Variants in MERTK observed in about 807,000 individuals in gnomAD.
MERTK encodes MER proto-oncogene, tyrosine kinase, also known as tyrosine-protein kinase Mer.
In MERTK, 69 loss-of-function variants were observed where a neutral mutation model predicts 99.3. The ratio of observed to expected loss-of-function variants is 0.70; its 90% CI spans 0.57 to 0.85. The LOEUF is 0.85. MERTK is among the 40% of genes least tolerant of loss of function. The probability of loss-of-function intolerance (pLI) is 0.00; values close to 1 mark genes in which losing one functional copy is unlikely to be tolerated. For synonymous variants in MERTK, 426 were observed against 467.6 expected (o/e 0.91, Z 1.15); for missense variants, 1,125 against 1,249.4 (o/e 0.90, Z 1.50).
chr2:111,956,666 G>T (rs1331950003), intron 4 of MERTK, among the ~76,000 whole-genome samples: 1 of 152,100 alleles, frequency 6.6e-6, no homozygotes, highest in African/African-American at 2.4e-5. Context: ...CAGTTTTGTT[G>T]TTGTTGTGTT....
intron 1 of MERTK, among the ~76,000 whole-genome samples, chr2:111,920,421 T>G (rs1211132110): frequency 1.3e-5 from 2 of 152,132 alleles, no homozygotes; most frequent in African/African-American, 2.4e-5. Context: ...TTGCTACACT[T>G]AGGGCAAATG....
In MERTK at chr2:111,929,375, C is replaced by T; in HGVS notation, c.317C>T (p.Ser106Phe). ...FKHTVGHIIL[S>F]EHKGVKFNCS... ...CACACAGTTGGACACATAATACTTT[C>T]TGAACATAAAGGTGTCAAATTTAAT... is the stretch of plus-strand genomic sequence containing the variant. The change falls in exon 2 of 19, where the codon TCT (serine) becomes TTT (phenylalanine). Residue 106 changes from serine (S) to phenylalanine (F), a missense_variant. By Grantham distance (155) the Ser-to-Phe change is radical. Transcript: ENST00000295408. 1 of 1,614,166 alleles carries T rather than the reference C, an allele frequency of 6.2e-7. No homozygotes were observed. The highest frequency in any genetic ancestry group is 1.1e-5 in the South Asian group (1 of 91,076).
intron 15 of MERTK, among the ~76,000 whole-genome samples, chr2:112,015,031 T>C (rs1385927833): frequency 6.6e-6 from 1 of 152,220 alleles, no homozygotes; most frequent in Non-Finnish European, 1.5e-5. Flanking sequence ...ATTCCTTCTT[T>C]ATTGCTGTGT....
At chr2:112,019,846 G>A (rs748873210) in intron 16 of MERTK, among the ~76,000 whole-genome samples, 5 of 152,136 alleles carry the variant, frequency 3.3e-5, no homozygotes, top group South Asian at 2.1e-4. Flanking sequence ...TTATGTGTAC[G>A]TCAGCTCCTC....
rs201320082 is a variant in MERTK, at chr2:111,925,275, G to GATATAT, written c.62-3832_62-3827dup. ...CTGGTAAATCAAATTGTACAGATCAGATATATATATATATATATTTTTTTT... is the reference window on the plus strand; with the variant it reads ...CTGGTAAATCAAATTGTACAGATCAGATATATATATATATATATATATATTTTTTTT... On this transcript the variant is annotated intron_variant, in intron 1 of 18. Transcript: ENST00000295408. Among the ~76,000 whole-genome samples, 132 of 52,164 alleles carry GATATAT rather than the reference G, an allele frequency of 2.5e-3. 10 individuals are homozygous for GATATAT. The highest frequency in any genetic ancestry group is 0.01 in the African/African-American group (109 of 10,484). 34.2% of individuals were successfully genotyped at this position (52,164 alleles called of 152,430 possible).
intron 7 of MERTK, among the ~76,000 whole-genome samples, chr2:111,977,944 T>TC (rs763710714): frequency 1.2e-4 from 19 of 152,234 alleles, no homozygotes; most frequent in South Asian, 1.2e-3. Context: ...ATAATTACTT[T>TC]CCTTTTTTCT....
At chr2:111,918,533 C>G (rs1485064665) in intron 1 of MERTK, among the ~76,000 whole-genome samples, 5 of 152,194 alleles carry the variant, frequency 3.3e-5, no homozygotes, top group African/African-American at 9.7e-5. Flanking sequence ...AGTATTGCCT[C>G]AGAGCCTTTC....
At chr2:111,956,354 T>C (rs1409961162) in intron 4 of MERTK, among the ~76,000 whole-genome samples, 1 of 152,226 alleles carries the variant, frequency 6.6e-6, no homozygotes, top group East Asian at 1.9e-4. Context: ...TGTGTTGTTA[T>C]TTTTATATGC....
chr2:111,945,023 A>C lies in MERTK; in HGVS notation c.546A>C (p.Glu182Asp), dbSNP rs1468681719. ...SYICKMKINN[E>D]EIVSDPIYIE... ...TCTGTAAGATGAAAATAAACAATGA[A>C]GAGATCGTGTCTGATCCCATCTACA... Residue 182 changes from glutamate to aspartate, a missense_variant, in exon 3 of 19, where the codon GAA becomes GAC. Glu to Asp is a conservative substitution (Grantham distance 45). Transcript: ENST00000295408. 6 of 1,613,646 alleles carry C rather than the reference A, an allele frequency of 3.7e-6. No individual in the cohort carries two copies. Among genetic ancestry groups the C allele is most frequent in the Non-Finnish European group, 5.1e-6 (6 of 1,179,776 alleles).
chr2:112,018,240 G>A (rs776488298), intron 15 of MERTK, among the ~76,000 whole-genome samples: 1 of 151,950 alleles, frequency 6.6e-6, no homozygotes, highest in Non-Finnish European at 1.5e-5. Flanking sequence ...GTGACTTTTG[G>A]TCACAGTCTC....
chr2:111,941,422 A>G (rs1455304529), intron 2 of MERTK, among the ~76,000 whole-genome samples: 1 of 152,100 alleles, frequency 6.6e-6, no homozygotes, highest in East Asian at 1.9e-4. Flanking sequence ...CCCGGTTAGG[A>G]AACACCCATA....
intron 1 of MERTK, among the ~76,000 whole-genome samples, chr2:111,926,879 A>G (rs1684578256): frequency 6.6e-6 from 1 of 152,236 alleles, no homozygotes; most frequent in African/African-American, 2.4e-5. Flanking sequence ...TACCAAGAGC[A>G]TAGGTCCACC....
intron 1 of MERTK, among the ~76,000 whole-genome samples, chr2:111,923,948 T>G (rs2104680342): frequency 6.6e-6 from 1 of 152,138 alleles, no homozygotes; most frequent in East Asian, 1.9e-4. Flanking sequence ...TTGTTTTGGC[T>G]TTTTTTTCTT....
intron 1 of MERTK, among the ~76,000 whole-genome samples, chr2:111,900,658 A>ATTCT (rs1170162399): frequency 6.6e-6 from 1 of 151,644 alleles, no homozygotes; most frequent in African/African-American, 2.4e-5. Flanking sequence ...GCCTTTTAAA[A>ATTCT]TCCACCCAGC....
At chr2:111,909,731 T>G (rs909948466) in intron 1 of MERTK, among the ~76,000 whole-genome samples, 2 of 152,154 alleles carry the variant, frequency 1.3e-5, no homozygotes, top group Non-Finnish European at 2.9e-5. Flanking sequence ...GTGGTGATGT[T>G]TTCCAGGCCT....
intron 8 of MERTK, among the ~76,000 whole-genome samples, chr2:111,985,808 A>G (rs11676037): frequency 0.62 from 93,970 of 151,938 alleles, 29,443 homozygotes; most frequent in Middle Eastern, 0.69. Flanking sequence ...CTCCCATGGC[A>G]CTACAAGTCA....
At position 111,975,083 on chromosome 2, in the gene MERTK, G is replaced by A. The variant is rs553678432; in HGVS notation, c.961-206G>A. 9.9e-5 allele frequency among the ~76,000 whole-genome samples: 15 copies of A among 152,278 alleles called. No homozygotes were observed. In the South Asian group the frequency reaches 1.0e-3, roughly 11 times the overall value. ...AGAATTGTTAATTGTTATTTTAGGC[G>A]TTTTCCTCAGGTGTTCAGTTATTGT... On this transcript the variant is annotated intron_variant, in intron 6 of 18. Transcript: ENST00000295408.
intron 1 of MERTK, among the ~76,000 whole-genome samples, chr2:111,899,006 G>T (rs1683985227): frequency 6.6e-6 from 1 of 152,220 alleles, no homozygotes. Context: ...AGGGCACCCA[G>T]CCTGGCTTGC....
intron 18 of MERTK, among the ~76,000 whole-genome samples, chr2:112,025,834 G>C (rs1193423668): frequency 6.6e-6 from 1 of 152,192 alleles, no homozygotes; most frequent in Non-Finnish European, 1.5e-5. Context: ...CTCTTAACCA[G>C]TGCGTACAGC....
Sources: gnomAD v4.1 joint callset for allele counts (sites outside exome capture counted in the v4.1 genomes callset) on GRCh38, gnomAD v4.1.1 for gene constraint, MANE v1.5 for transcripts, NCBI Gene and HGNC (gene_info 2026-07-23, HGNC 2026-07-21) for gene names.